PLXDC2: variants seen among roughly 807,000 people sequenced by gnomAD.
The protein encoded by PLXDC2 is plexin domain-containing protein 2.
PLXDC2 carries 40 observed loss-of-function variants against 68.9 expected under a neutral mutation model. The observed-to-expected ratio is 0.58, with a 90% CI of 0.45 to 0.76. The LOEUF (loss-of-function observed/expected upper bound fraction) is 0.76, where lower values mean the gene tolerates loss of function less well. PLXDC2 is among the 30% of genes least tolerant of loss of function. PLXDC2 has a pLI of 0.00. For missense variants in PLXDC2, 644 were observed against 661.9 expected (o/e 0.97, Z 0.30); for synonymous variants, 243 against 234.2 (o/e 1.04, Z -0.34).
chr10:20,219,081 C>G lies in PLXDC2; in HGVS notation c.1291C>G (p.Leu431Val), dbSNP rs1835177446. 2 of 1,607,400 alleles carry G rather than the reference C, an allele frequency of 1.2e-6. No homozygotes were observed. The highest frequency in any genetic ancestry group is 1.7e-6 in the Non-Finnish European group (2 of 1,176,772). ...TCTTCCAGATGATACCAAGATAGCA[C>G]TACATCTAAAAGATAATGGAGGTAG... Reference protein sequence around the residue: ...LPTEDDTKIALHLKDNGASTD... With the variant: ...LPTEDDTKIAVHLKDNGASTD... Residue 431 changes from leucine (L) to valine (V), a missense_variant, in exon 12 of 14, where the codon CTA becomes GTA. Around this residue, in one of 3 missense-constraint regions of PLXDC2, gnomAD observed 330 missense variants for 327.9 expected, o/e 1.01. Transcript: ENST00000377252.
At chr10:20,162,071 AGAAGGAAGGAAGGAAGGAAG>A (rs1181393820) in intron 6 of PLXDC2, among the ~76,000 whole-genome samples, 17 of 44,880 alleles carry the variant, frequency 3.8e-4, no homozygotes, top group African/African-American at 1.3e-3. Context: ...AGAGAGAGAG[AGAAGGAAGGAAGGAAGGAAG>A]GAAGGAAGGA....
In PLXDC2 at chr10:20,230,669, G is replaced by A. The variant is rs376751943; in HGVS notation, c.1312+11567G>A. On this transcript the variant is annotated intron_variant, in intron 12 of 13. Transcript: ENST00000377252. ...GGTGAGCGCATGGTCACACCAGCCT[G>A]GGCTACAGAGTGAGACCTTGTCTCA... Among the ~76,000 whole-genome samples, 12 of 108,926 alleles carry A rather than the reference G, an allele frequency of 1.1e-4. No individual in the cohort carries two copies. In the East Asian group the frequency reaches 2.0e-3, roughly 19 times the overall value. The allele number at this position is 108,926 out of a possible 152,430, so 71.5% of individuals were successfully genotyped here.
chr10:20,147,666 A>G (rs932496756), intron 5 of PLXDC2, 118 bp from the exon 6 acceptor site: 44 of 624,954 alleles, frequency 7.0e-5, no homozygotes, highest in Non-Finnish European at 1.1e-4. Context: ...ATAAAATCGA[A>G]ATAGTACAAC....
intron 1 of PLXDC2, among the ~76,000 whole-genome samples, chr10:19,984,274 G>C (rs943859302): frequency 3.9e-5 from 6 of 152,090 alleles, no homozygotes; most frequent in Non-Finnish European, 8.8e-5. Flanking sequence ...AGCAAGGGGG[G>C]AAGAGGCAGG....
intron 4 of PLXDC2, among the ~76,000 whole-genome samples, chr10:20,129,856 T>G (rs935410709): frequency 6.6e-6 from 1 of 152,096 alleles, no homozygotes; most frequent in African/African-American, 2.4e-5. Context: ...TCTATTCTGT[T>G]CCTTTGGTCT....
Position 20,217,595 on chromosome 10 carries a change from GCTTTT to G in PLXDC2, c.1273+20_1273+24del. ...ACAGAAGGTACCCAAGAGATAGTTTGCTTTTTTTTTTTTTTTTTTTTTTTTTTTTC... is the reference window on the plus strand; with the variant it reads ...ACAGAAGGTACCCAAGAGATAGTTTGTTTTTTTTTTTTTTTTTTTTTTTTC... On this transcript the variant is annotated intron_variant, in intron 11 of 13. Coordinates refer to ENST00000377252, the MANE Select transcript of PLXDC2 (RefSeq NM_032812.9). 3.8e-5 allele frequency: 10 copies of G among 262,542 alleles called. No homozygotes were observed. The highest frequency in any genetic ancestry group is 8.1e-5 in the South Asian group (1 of 12,402). The allele number at this position is 262,542 out of a possible 1,614,324, so 16.3% of individuals were successfully genotyped here.
intron 2 of PLXDC2, among the ~76,000 whole-genome samples, chr10:20,029,662 AT>A (rs757715054): frequency 2.0e-5 from 3 of 152,082 alleles, no homozygotes; most frequent in African/African-American, 7.2e-5. Context: ...CTATCTTGTA[AT>A]TTTTTTTACA....
chr10:20,119,584 T>C (rs1213068849), intron 4 of PLXDC2, among the ~76,000 whole-genome samples: 4 of 149,026 alleles, frequency 2.7e-5, no homozygotes, highest in Non-Finnish European at 6.0e-5. Flanking sequence ...ATGGCTTAGC[T>C]TGGGCTCAGA....
At chr10:20,152,455 T>C (rs1464733885) in intron 6 of PLXDC2, among the ~76,000 whole-genome samples, 3 of 152,128 alleles carry the variant, frequency 2.0e-5, no homozygotes, top group Non-Finnish European at 4.4e-5. Flanking sequence ...TTTTAAATTA[T>C]GGGCCCTTAC....
chr10:19,910,412 A>G lies in PLXDC2; in HGVS notation c.113-91363A>G, dbSNP rs147811572. ...ATCTTCACAACTCAATAAAGTTGAT[A>G]CTACTATTATAATCACTATCCGGGC... is the stretch of plus-strand genomic sequence containing the variant. On this transcript the variant is annotated intron_variant, in intron 1 of 13. Coordinates refer to ENST00000377252, the MANE Select transcript of PLXDC2 (RefSeq NM_032812.9). Among the ~76,000 whole-genome samples, 985 of 151,908 alleles carry G rather than the reference A, an allele frequency of 6.5e-3. 1 individual carries two copies. The highest frequency in any genetic ancestry group is 0.011 in the Non-Finnish European group (728 of 67,980).
chr10:19,857,194 C>T (rs1837230292), intron 1 of PLXDC2, among the ~76,000 whole-genome samples: 1 of 152,132 alleles, frequency 6.6e-6, no homozygotes, highest in Non-Finnish European at 1.5e-5. Context: ...TAGTCAAGAC[C>T]CTCACTAAAT....
At chr10:20,184,211 T>C (rs1480029276) in intron 9 of PLXDC2, among the ~76,000 whole-genome samples, 1 of 151,712 alleles carries the variant, frequency 6.6e-6, no homozygotes, top group African/African-American at 2.4e-5. Context: ...GGAACTGCTG[T>C]TATTTTCCAT....
chr10:19,956,439 A>C (rs1834070806), intron 1 of PLXDC2, among the ~76,000 whole-genome samples: 1 of 152,178 alleles, frequency 6.6e-6, no homozygotes, highest in African/African-American at 2.4e-5. Context: ...CCTTTCAGAA[A>C]ATGTACAATT....
At chr10:20,203,541 G>A (rs1382416776) in intron 9 of PLXDC2, among the ~76,000 whole-genome samples, 1 of 151,754 alleles carries the variant, frequency 6.6e-6, no homozygotes, top group Non-Finnish European at 1.5e-5. Flanking sequence ...GAACTCCTGG[G>A]CTCAGGAGAT....
intron 1 of PLXDC2, among the ~76,000 whole-genome samples, chr10:19,849,197 TA>T (rs1240867021): frequency 6.6e-6 from 1 of 152,100 alleles, no homozygotes; most frequent in Non-Finnish European, 1.5e-5. Context: ...ATAATGGAAA[TA>T]AAAAATAAAT....
At chr10:20,003,265 GT>G (rs1254570366) in intron 2 of PLXDC2, among the ~76,000 whole-genome samples, 3 of 152,178 alleles carry the variant, frequency 2.0e-5, no homozygotes, top group Admixed American at 2.0e-4. Context: ...GATTTATCCA[GT>G]TTGCTCAGGC....
chr10:19,935,996 A>G (rs1397226599), intron 1 of PLXDC2, among the ~76,000 whole-genome samples: 1 of 152,220 alleles, frequency 6.6e-6, no homozygotes, highest in Non-Finnish European at 1.5e-5. Context: ...CTTAGTTCTT[A>G]GTGCTATTTT....
At chr10:20,072,852 A>G (rs1247025802) in intron 4 of PLXDC2, among the ~76,000 whole-genome samples, 1 of 152,202 alleles carries the variant, frequency 6.6e-6, no homozygotes, top group South Asian at 2.1e-4. Flanking sequence ...TCAAGCTAAG[A>G]ACAGCTTCAA....
intron 2 of PLXDC2, among the ~76,000 whole-genome samples, chr10:20,012,830 T>G (rs1408618152): frequency 6.6e-6 from 1 of 152,206 alleles, no homozygotes; most frequent in Admixed American, 6.5e-5. Context: ...AAGAAAACAC[T>G]TCTGTTCATG....
Sources: allele counts gnomAD v4.1 joint callset (sites outside exome capture counted in the v4.1 genomes callset), GRCh38; gene constraint gnomAD v4.1.1; regional missense constraint gnomAD v4.1.1; transcripts MANE v1.5; gene names NCBI Gene and HGNC (gene_info 2026-07-23, HGNC 2026-07-21).